Variants in UBAP2L observed in about 807,000 individuals in gnomAD.
UBAP2L encodes the protein ubiquitin associated protein 2 like.
Under a neutral mutation model 130.6 loss-of-function variants are expected in UBAP2L, and 12 were observed. That is an observed-to-expected ratio of 0.09 (90% CI 0.06 to 0.15). The LOEUF (loss-of-function observed/expected upper bound fraction) is 0.15, where lower values mean the gene tolerates loss of function less well. UBAP2L is among the 10% of genes least tolerant of loss of function. The pLI is 1.00. For synonymous variants in UBAP2L, 503 were observed against 524.7 expected (o/e 0.96, Z 0.57); for missense variants, 965 against 1,332.5 (o/e 0.72, Z 4.29).
At chr1:154,263,583 C>T (rs1304376531) in intron 24 of UBAP2L, 2 of 919,168 alleles carry the variant, frequency 2.2e-6, no homozygotes, top group South Asian at 5.1e-5. Context: ...GGAGGGTGGC[C>T]TTTTTAATCA....
chr1:154,266,395 C>T, intron 24 of UBAP2L, 106 bp from the exon 25 acceptor site: 1 of 1,230,162 alleles, frequency 8.1e-7, no homozygotes, highest in Non-Finnish European at 1.2e-6. Flanking sequence ...ACCAAAATTC[C>T]CTTGCATTGG....
At chr1:154,231,554 G>A (rs1669840483) in intron 4 of UBAP2L, among the ~76,000 whole-genome samples, 1 of 152,076 alleles carries the variant, frequency 6.6e-6, no homozygotes, top group South Asian at 2.1e-4. Context: ...ACCCTCCTTG[G>A]CCTCGGAAAG....
At chr1:154,237,802 T>C (rs1672160773) in intron 8 of UBAP2L, among the ~76,000 whole-genome samples, 1 of 152,224 alleles carries the variant, frequency 6.6e-6, no homozygotes, top group South Asian at 2.1e-4. Flanking sequence ...TAACTGACTT[T>C]GGTGCCTGCG....
intron 4 of UBAP2L, among the ~76,000 whole-genome samples, chr1:154,230,694 A>G (rs544785588): frequency 1.1e-4 from 16 of 152,344 alleles, no homozygotes; most frequent in East Asian, 5.8e-4. Flanking sequence ...ATACAGTATC[A>G]AAAAGGAAAA....
chr1:154,259,820 C>T (rs769459601), intron 21 of UBAP2L, 128 bp from the exon 22 acceptor site: 13 of 1,017,048 alleles, frequency 1.3e-5, no homozygotes, highest in Non-Finnish European at 2.0e-5. Context: ...TAACTCTAGC[C>T]AGCTTAATTA....
In UBAP2L at chr1:154,261,155, C is replaced by T. The variant is rs762954080; in HGVS notation, c.2796+46C>T. The T allele has an allele frequency of 7.6e-6, 12 of 1,577,608 alleles. No individual in the cohort carries two copies. The South Asian group carries it at 1.0e-4, about 13-fold the overall frequency. ...ACTCCTTGTGGTGAAGGATCCTAGC[C>T]CTGGACACTATCCTAGCTGCTTTTA... is the stretch of plus-strand genomic sequence containing the variant. On this transcript the variant is annotated intron_variant, in intron 23 of 26. Coordinates refer to ENST00000428931, the MANE Select transcript of UBAP2L (RefSeq NM_014847.4).
At chr1:154,257,466 G>A (rs1475877110) in intron 20 of UBAP2L, 32 bp downstream of exon 20, 1 of 1,610,052 alleles carries the variant, frequency 6.2e-7, no homozygotes, top group Non-Finnish European at 8.5e-7. Flanking sequence ...TCTTCAAAAG[G>A]TGAGGATGTT....
intron 8 of UBAP2L, among the ~76,000 whole-genome samples, chr1:154,241,128 G>T (rs750168685): frequency 4.6e-5 from 7 of 151,504 alleles, no homozygotes; most frequent in Non-Finnish European, 8.8e-5. Flanking sequence ...CACTCTTGTT[G>T]CCCAGGCTGG....
At position 154,257,223 on chromosome 1, in the gene UBAP2L, C is replaced by T; in HGVS notation, c.2318C>T (p.Thr773Ile). ...GLSLGSNSTV[T>I]ASTRSSVATT... ...AGCCTAGGCAGCAACTCCACTGTCA[C>T]AGCCTCGACTCGAAGCTCAGTTGCT... The change falls in exon 19 of 27, where the codon ACA becomes ATA. Residue 773 changes from threonine (T) to isoleucine (I), a missense_variant. Transcript: ENST00000428931. 6.2e-7 allele frequency: 1 copy of T among 1,614,236 alleles called. No individual in the cohort carries two copies. The highest frequency in any genetic ancestry group is 2.2e-5 in the East Asian group (1 of 44,890).
chr1:154,233,621 C>A (rs1670644456), intron 4 of UBAP2L, among the ~76,000 whole-genome samples: 1 of 150,382 alleles, frequency 6.6e-6, no homozygotes, highest in Non-Finnish European at 1.5e-5. Flanking sequence ...CCGCACCTGG[C>A]CACCCAGCCT....
At chr1:154,237,659 TC>T (rs1672116277) in intron 8 of UBAP2L, among the ~76,000 whole-genome samples, 1 of 152,214 alleles carries the variant, frequency 6.6e-6, no homozygotes, top group Non-Finnish European at 1.5e-5. Context: ...ATCCTTTTTT[TC>T]CCTTTATTTT....
intron 8 of UBAP2L, among the ~76,000 whole-genome samples, chr1:154,239,500 T>TA (rs1391033203): frequency 6.6e-6 from 1 of 152,242 alleles, no homozygotes; most frequent in African/African-American, 2.4e-5. Context: ...ATTTGACAGT[T>TA]ACACTGATTG....
At chr1:154,225,318 C>T in intron 2 of UBAP2L, 105 bp downstream of exon 2, 1 of 1,315,120 alleles carries the variant, frequency 7.6e-7, no homozygotes, top group Non-Finnish European at 1.1e-6. Context: ...GTTTAGGTTC[C>T]TTATTTTTGT....
Position 154,259,065 on chromosome 1 carries a change from T to G in UBAP2L, c.2496+35T>G, listed in dbSNP as rs369533847. The G allele has an allele frequency of 2.6e-5, 41 of 1,588,776 alleles. No individual in the cohort carries two copies. The African/African-American group carries it at 5.2e-4, about 20-fold the overall frequency. ...TGGGATAGAGCTTTGGAAAAGAAAG[T>G]AGTCTTAAAATTAGTGTTGGGAGAA... is the stretch of plus-strand genomic sequence containing the variant. On this transcript the variant is annotated intron_variant, in intron 21 of 26. Coordinates refer to ENST00000428931, the MANE Select transcript of UBAP2L (RefSeq NM_014847.4).
chr1:154,236,454 C>T, intron 6 of UBAP2L, 112 bp from the exon 7 acceptor site: 1 of 1,136,158 alleles, frequency 8.8e-7, no homozygotes. Context: ...CCGCCCTCAG[C>T]CTTTCAAAGT....
upstream of UBAP2L, chr1:154,220,287 G>A: frequency 1.3e-6 from 2 of 1,596,504 alleles, no homozygotes; most frequent in Non-Finnish European, 1.7e-6. Flanking sequence ...CTCAAAAGGA[G>A]GGTCTCTACT....
intron 2 of UBAP2L, among the ~76,000 whole-genome samples, chr1:154,225,520 G>A (rs757765206): frequency 3.8e-4 from 58 of 151,218 alleles, no homozygotes; most frequent in Non-Finnish European, 7.5e-4. Context: ...CTAGGTCAAA[G>A]TGCAGTGGCA....
intron 4 of UBAP2L, among the ~76,000 whole-genome samples, chr1:154,230,684 A>G (rs1225812574): frequency 6.6e-6 from 1 of 152,204 alleles, no homozygotes; most frequent in Non-Finnish European, 1.5e-5. Flanking sequence ...GGCTGATGTT[A>G]TACAGTATCA....
chr1:154,237,812 G>A (rs915666541), intron 8 of UBAP2L, among the ~76,000 whole-genome samples: 2 of 152,134 alleles, frequency 1.3e-5, no homozygotes, highest in African/African-American at 2.4e-5. Context: ...TGGTGCCTGC[G>A]TCTGGGCTGG....
Sources: allele counts gnomAD v4.1 joint callset (sites outside exome capture counted in the v4.1 genomes callset), GRCh38; gene constraint gnomAD v4.1.1; transcripts MANE v1.5; gene names NCBI Gene and HGNC (gene_info 2026-07-23, HGNC 2026-07-21).